PPP3R1: variants seen among roughly 807,000 people sequenced by gnomAD.
The protein encoded by PPP3R1 is protein phosphatase 3 regulatory subunit B, alpha.
A neutral mutation model predicts 22.6 loss-of-function variants in PPP3R1; 5 were observed. The observed-to-expected ratio is 0.22, with a 90% CI of 0.12 to 0.46. The LOEUF is 0.46. Among genes scored for constraint, PPP3R1 ranks in the 20% least tolerant of loss-of-function variants. The probability of loss-of-function intolerance (pLI) is 0.99; values close to 1 mark genes in which losing one functional copy is unlikely to be tolerated. For synonymous variants in PPP3R1, 56 were observed against 65.2 expected, an observed-to-expected ratio of 0.86 and a Z score of 0.68; for missense variants, 61 against 203.2, an observed-to-expected ratio of 0.30 and a Z score of 4.25.
At chr2:68,207,056 T>A (rs1675141875) in intron 2 of PPP3R1, among the ~76,000 whole-genome samples, 1 of 149,524 alleles carries the variant, frequency 6.7e-6, no homozygotes. Flanking sequence ...ATGAAAGCAC[T>A]ATTCACAGAT....
intron 1 of PPP3R1, among the ~76,000 whole-genome samples, chr2:68,220,524 G>A (rs1329849413): frequency 6.6e-6 from 1 of 152,156 alleles, no homozygotes; most frequent in Non-Finnish European, 1.5e-5. Context: ...ATGAATTAAA[G>A]GCTGTTCTTT....
intron 5 of PPP3R1, among the ~76,000 whole-genome samples, chr2:68,181,457 C>A (rs1217204828): frequency 1.3e-5 from 2 of 151,710 alleles, no homozygotes; most frequent in African/African-American, 2.4e-5. Context: ...ACACAAAAAA[C>A]CAAAACAACA....
At chr2:68,243,200 A>T (rs763014070) in intron 1 of PPP3R1, among the ~76,000 whole-genome samples, 4 of 152,222 alleles carry the variant, frequency 2.6e-5, no homozygotes, top group Non-Finnish European at 5.9e-5. Context: ...ATTTCAAAAG[A>T]TTTCCTACAG....
rs772961304 is a variant in PPP3R1 at position 68,179,359 on chromosome 2, A to G, written c.*1604T>C. 4 of 152,570 alleles carry G rather than the reference A, an allele frequency of 2.6e-5. No homozygotes were observed. The highest frequency in any genetic ancestry group is 5.9e-5 in the Non-Finnish European group (4 of 68,036). 9.5% of individuals were successfully genotyped at this position (152,570 alleles called of 1,614,324 possible). A position where few individuals can be genotyped will look rare whatever the true frequency, so the allele number is the denominator to read the frequency against. On this transcript the variant is annotated 3_prime_UTR_variant, in exon 6 of 6. Coordinates refer to ENST00000234310, the MANE Select transcript of PPP3R1 (RefSeq NM_000945.4). ...AAATTATGCAAATTATGTAAACAAG[A>G]GGTACATTTTAAATTGATCTACATG...
At chr2:68,229,965 T>TACACACACACACACACACAC (rs1157191768) in intron 1 of PPP3R1, among the ~76,000 whole-genome samples, 1 of 49,492 alleles carries the variant, frequency 2.0e-5, no homozygotes, top group African/African-American at 1.1e-4. Flanking sequence ...TGTGTATATA[T>TACACACACACACACACACAC]ACACACATAC....
intron 1 of PPP3R1, among the ~76,000 whole-genome samples, chr2:68,239,676 G>A (rs561422325): frequency 2.6e-5 from 4 of 152,132 alleles, no homozygotes; most frequent in African/African-American, 7.2e-5. Context: ...TTGGGGTGGG[G>A]GGAAAAAACA....
At position 68,252,144 on chromosome 2, in the gene PPP3R1, G is replaced by A; in HGVS notation, c.-17C>T. The A allele has an allele frequency of 7.0e-7, 1 of 1,430,936 alleles. No homozygotes were observed. Among genetic ancestry groups the A allele is most frequent in the African/African-American group, 1.5e-5 (1 of 67,942 alleles). 88.6% of individuals were successfully genotyped at this position (1,430,936 alleles called of 1,614,324 possible). On this transcript the variant is annotated 5_prime_UTR_variant, in exon 1 of 6. Transcript: ENST00000234310. ...TCTCACCATTTTGCTCGGCGGGTCGGCGGCTCGCTGGCTCGCTGGCTCGGA... is the reference window on the plus strand; with the variant it reads ...TCTCACCATTTTGCTCGGCGGGTCGACGGCTCGCTGGCTCGCTGGCTCGGA...
At chr2:68,183,808 G>A (rs1405483468) in intron 5 of PPP3R1, among the ~76,000 whole-genome samples, 2 of 152,128 alleles carry the variant, frequency 1.3e-5, no homozygotes, top group East Asian at 3.9e-4. Context: ...TGTTTGGTGA[G>A]ATCCTTGGCT....
At chr2:68,199,381 T>C (rs867563711) in intron 2 of PPP3R1, among the ~76,000 whole-genome samples, 4 of 151,456 alleles carry the variant, frequency 2.6e-5, no homozygotes, top group Admixed American at 6.5e-5. Flanking sequence ...ACATTTGCTA[T>C]ATATATAAAA....
intron 1 of PPP3R1, among the ~76,000 whole-genome samples, chr2:68,224,649 G>A (rs932557997): frequency 5.3e-5 from 8 of 149,934 alleles, no homozygotes; most frequent in African/African-American, 1.7e-4. Context: ...CGGCAGCAGA[G>A]CAAGACTCGT....
chr2:68,217,040 A>AC, intron 2 of PPP3R1, 52 bp downstream of exon 2: 7 of 1,189,090 alleles, frequency 5.9e-6, no homozygotes, highest in East Asian at 2.7e-5. Context: ...ACACACACAC[A>AC]GAGAGAGATG....
intron 2 of PPP3R1, among the ~76,000 whole-genome samples, chr2:68,196,125 TG>T (rs1466272989): frequency 3.3e-5 from 5 of 152,314 alleles, no homozygotes; most frequent in Admixed American, 2.6e-4. Context: ...AAATTATCTA[TG>T]GAAAAGCTTG....
In PPP3R1 at chr2:68,202,430, GTTGTTGTTT is replaced by G. The variant is rs756402172; in HGVS notation, c.44-13749_44-13741del. On this transcript the variant is annotated intron_variant, in intron 2 of 5. Coordinates refer to ENST00000234310, the MANE Select transcript of PPP3R1 (RefSeq NM_000945.4). ...TTTTGTTGTTGTTGTTGTTGTTGTT[GTTGTTGTTT>G]TTTGAGATGGAGTCTCGCTCTGTCT... Among the ~76,000 whole-genome samples, 947 of 145,276 alleles carry G rather than the reference GTTGTTGTTT, an allele frequency of 6.5e-3. 3 individuals are homozygous for G. Among genetic ancestry groups the G allele is most frequent in the Non-Finnish European group, 0.01 (656 of 65,132 alleles).
At chr2:68,214,506 C>T (rs775415556) in intron 2 of PPP3R1, among the ~76,000 whole-genome samples, 6 of 152,018 alleles carry the variant, frequency 3.9e-5, no homozygotes, top group South Asian at 2.1e-4. Context: ...GGCATACATG[C>T]GGCCAACAAT....
chr2:68,217,058 A>G (rs1406466860), intron 2 of PPP3R1, 34 bp downstream of exon 2: 3 of 1,510,156 alleles, frequency 2.0e-6, no homozygotes, highest in African/African-American at 1.4e-5. Flanking sequence ...ATGAGTGAAT[A>G]AAAGTAACTT....
At chr2:68,218,688 AC>A (rs1669625233) in intron 1 of PPP3R1, among the ~76,000 whole-genome samples, 1 of 149,012 alleles carries the variant, frequency 6.7e-6, no homozygotes, top group South Asian at 2.1e-4. Context: ...TCAAGAGCAT[AC>A]CGGTATTTTA....
At chr2:68,234,291 C>T (rs1669975252) in intron 1 of PPP3R1, among the ~76,000 whole-genome samples, 2 of 151,348 alleles carry the variant, frequency 1.3e-5, no homozygotes, top group Admixed American at 1.3e-4. Flanking sequence ...TGCAGTGAGC[C>T]GAGATTGTGC....
intron 1 of PPP3R1, among the ~76,000 whole-genome samples, chr2:68,223,612 A>C (rs865872135): frequency 6.6e-6 from 1 of 152,300 alleles, no homozygotes; most frequent in East Asian, 1.9e-4. Flanking sequence ...GGCCAACCAA[A>C]CAGACGCAAT....
At chr2:68,223,782 T>A (rs1669731179) in intron 1 of PPP3R1, among the ~76,000 whole-genome samples, 1 of 143,556 alleles carries the variant, frequency 7.0e-6, no homozygotes, top group Non-Finnish European at 1.5e-5. Context: ...GATAAAGACA[T>A]CTGCACAAAT....
Sources: allele counts gnomAD v4.1 joint callset (sites outside exome capture counted in the v4.1 genomes callset), GRCh38; gene constraint gnomAD v4.1.1; transcripts MANE v1.5; gene names NCBI Gene and HGNC (gene_info 2026-07-23, HGNC 2026-07-21).